Variants in KIAA1217 observed in about 807,000 individuals in gnomAD.
KIAA1217 encodes the protein KIAA1217.
Under a neutral mutation model 163.9 loss-of-function variants are expected in KIAA1217, and 88 were observed. The ratio of observed to expected loss-of-function variants is 0.54; its 90% CI spans 0.45 to 0.64. The LOEUF (loss-of-function observed/expected upper bound fraction) is 0.64. Ranked by LOEUF, KIAA1217 falls within the 30% of genes least tolerant of loss-of-function variation. KIAA1217 has a pLI of 0.00. For synonymous variants in KIAA1217, 903 were observed against 923.1 expected (o/e 0.98, Z 0.39); for missense variants, 2,372 against 2,475.0 (o/e 0.96, Z 0.88).
intron 1 of KIAA1217, among the ~76,000 whole-genome samples, chr10:23,964,377 T>C (rs1024632672): frequency 1.3e-5 from 2 of 151,980 alleles, no homozygotes; most frequent in Non-Finnish European, 2.9e-5. Flanking sequence ...TTGCAAAAAT[T>C]TTCTCCCATT....
chr10:24,218,583 G>A (rs1231426236), intron 1 of KIAA1217, among the ~76,000 whole-genome samples: 1 of 151,872 alleles, frequency 6.6e-6, no homozygotes, highest in African/African-American at 2.4e-5. Flanking sequence ...CCGCCTCCCA[G>A]GTTCACGCCA....
At position 24,177,299 on chromosome 10, in the gene KIAA1217, T is replaced by TATATATATATATA. The variant is rs1554894744; in HGVS notation, c.-170-42326_-170-42325insTATATATATATAA. ...TATATATATATATATATATATATAT[T>TATATATATATATA]ACAATTTCTTTGTCATATATATCAC... is the stretch of plus-strand genomic sequence containing the variant. On this transcript the variant is annotated intron_variant, in intron 2 of 18. Transcript: ENST00000376462. Among the ~76,000 whole-genome samples the TATATATATATATA allele has an allele frequency of 9.4e-3, 440 of 46,870 alleles. 52 individuals are homozygous for TATATATATATATA. Among genetic ancestry groups the TATATATATATATA allele is most frequent in the Non-Finnish European group, 0.01 (264 of 26,024 alleles). 30.7% of individuals were successfully genotyped at this position (46,870 alleles called of 152,430 possible). A position where few individuals can be genotyped will look rare whatever the true frequency, so the allele number is the denominator to read the frequency against.
chr10:24,407,287 CGTGCGT>C (rs2057324270), intron 3 of KIAA1217, among the ~76,000 whole-genome samples: 1 of 144,384 alleles, frequency 6.9e-6, no homozygotes, highest in African/African-American at 2.6e-5. Context: ...TGTGTGTGTG[CGTGCGT>C]GTGCGTGCGC....
At position 23,934,573 on chromosome 10, in the gene KIAA1217, A is replaced by ATG. The variant is rs1564545489; in HGVS notation, c.-320-72651_-320-72650insGT. ...GTCTTTAAAGTATATATATATATAT[A>ATG]TATATATATATATATATGTATATAT... is the stretch of plus-strand genomic sequence containing the variant. On this transcript the variant is annotated intron_variant, in intron 1 of 18. Transcript: ENST00000376462. Among the ~76,000 whole-genome samples the ATG allele has an allele frequency of 1.3e-4, 10 of 75,150 alleles. No homozygotes were observed. In the African/African-American group the frequency reaches 1.6e-3, roughly 12 times the overall value. The allele number at this position is 75,150 out of a possible 152,430, so 49.3% of individuals were successfully genotyped here. A position where few individuals can be genotyped will look rare whatever the true frequency, so the allele number is the denominator to read the frequency against.
At chr10:24,057,631 T>C (rs563142169) in intron 2 of KIAA1217, among the ~76,000 whole-genome samples, 1 of 152,378 alleles carries the variant, frequency 6.6e-6, no homozygotes, top group East Asian at 1.9e-4. Context: ...GATTGGAATG[T>C]CCCTGATGAT....
intron 2 of KIAA1217, among the ~76,000 whole-genome samples, chr10:24,182,568 C>A (rs1314506807): frequency 1.3e-5 from 2 of 151,930 alleles, no homozygotes; most frequent in Admixed American, 6.6e-5. Context: ...AGTCTCTTTG[C>A]ATGGATTGTA....
chr10:23,975,709 G>A (rs145324106), intron 1 of KIAA1217, among the ~76,000 whole-genome samples: 11 of 152,200 alleles, frequency 7.2e-5, no homozygotes, highest in East Asian at 1.9e-4. Flanking sequence ...AGAGCCTCAC[G>A]GGTGCCTACT....
chr10:24,078,211 G>C (rs1404304489), intron 2 of KIAA1217, among the ~76,000 whole-genome samples: 2 of 152,174 alleles, frequency 1.3e-5, no homozygotes, highest in Admixed American at 6.5e-5. Context: ...AAGTACCATA[G>C]AGGTTAAGAG....
intron 1 of KIAA1217, among the ~76,000 whole-genome samples, chr10:23,724,271 A>G (rs571363677): frequency 1.3e-4 from 18 of 143,642 alleles, no homozygotes; most frequent in African/African-American, 4.5e-4. Flanking sequence ...TTTGCTTCTT[A>G]TGTATTTTTT....
intron 1 of KIAA1217, among the ~76,000 whole-genome samples, chr10:23,796,423 G>A (rs1333211942): frequency 6.6e-6 from 1 of 152,020 alleles, no homozygotes; most frequent in Non-Finnish European, 1.5e-5. Flanking sequence ...GAGTGCAATG[G>A]CATGACCTCG....
At chr10:24,309,136 A>C (rs1183353849) in intron 2 of KIAA1217, among the ~76,000 whole-genome samples, 2 of 128,470 alleles carry the variant, frequency 1.6e-5, no homozygotes, top group East Asian at 2.7e-4. Flanking sequence ...AAAAAAAAAA[A>C]AAAGGAAGGA....
At chr10:23,968,496 G>C (rs2131386375) in intron 1 of KIAA1217, among the ~76,000 whole-genome samples, 1 of 152,288 alleles carries the variant, frequency 6.6e-6, no homozygotes, top group South Asian at 2.1e-4. Flanking sequence ...AATTCACACA[G>C]CATACTATTC....
chr10:24,507,908 T>C (rs1172729657), intron 9 of KIAA1217, among the ~76,000 whole-genome samples: 1 of 152,182 alleles, frequency 6.6e-6, no homozygotes, highest in Non-Finnish European at 1.5e-5. Context: ...TAAGAATTAA[T>C]GCCAACTTCT....
At chr10:23,964,698 G>A (rs966655315) in intron 1 of KIAA1217, among the ~76,000 whole-genome samples, 3 of 152,110 alleles carry the variant, frequency 2.0e-5, no homozygotes, top group Admixed American at 6.5e-5. Flanking sequence ...TGGGGCTTCA[G>A]GTGCATGCCA....
intron 2 of KIAA1217, among the ~76,000 whole-genome samples, chr10:24,302,923 G>A (rs1414081723): frequency 6.6e-6 from 1 of 152,146 alleles, no homozygotes; most frequent in African/African-American, 2.4e-5. Flanking sequence ...ACCATATGGG[G>A]GTGGGACATA....
chr10:23,871,609 G>A (rs539786989), intron 1 of KIAA1217, among the ~76,000 whole-genome samples: 2 of 151,636 alleles, frequency 1.3e-5, no homozygotes, highest in Admixed American at 6.6e-5. Context: ...CATTGGCTAG[G>A]ATTTACCCAA....
chr10:24,523,737 T>A (rs912212222), intron 12 of KIAA1217, among the ~76,000 whole-genome samples: 4 of 152,164 alleles, frequency 2.6e-5, no homozygotes, highest in Non-Finnish European at 5.9e-5. Context: ...TAACTGCTAT[T>A]CAAACACAGA....
intron 1 of KIAA1217, among the ~76,000 whole-genome samples, chr10:23,824,658 A>AAAAAAAAAT (rs1837805755): frequency 1.9e-5 from 1 of 53,054 alleles, no homozygotes; most frequent in Non-Finnish European, 3.6e-5. Context: ...AAATAAAAAA[A>AAAAAAAAAT]ATATATATAT....
At chr10:23,806,917 G>T (rs1836768511) in intron 1 of KIAA1217, among the ~76,000 whole-genome samples, 1 of 152,182 alleles carries the variant, frequency 6.6e-6, no homozygotes. Flanking sequence ...TCCTAACTCT[G>T]CATTCACAAT....
Sources: gnomAD v4.1 joint callset for allele counts (sites outside exome capture counted in the v4.1 genomes callset) on GRCh38, gnomAD v4.1.1 for gene constraint, MANE v1.5 for transcripts, NCBI Gene and HGNC (gene_info 2026-07-23, HGNC 2026-07-21) for gene names.